The following GABPB2 variants were observed in gnomAD, a reference collection of about 807,000 sequenced individuals.
GABPB2 encodes the protein GA binding protein transcription factor subunit beta 2, also known as GA-binding protein subunit beta-2.
Under a neutral mutation model 39.1 loss-of-function variants are expected in GABPB2, and 23 were observed. That is an observed-to-expected ratio of 0.59 (90% confidence interval 0.42 to 0.83). GABPB2 has a LOEUF of 0.83. Among genes scored for constraint, GABPB2 ranks in the 40% least tolerant of loss-of-function variants. GABPB2 has a pLI of 0.00. For missense variants in GABPB2, 467 were observed against 541.1 expected (o/e 0.86, Z 1.36); for synonymous variants, 184 against 199.3 (o/e 0.92, Z 0.65).
chr1:151,105,710 G>A (rs1214368678), intron 6 of GABPB2, among the ~76,000 whole-genome samples: 1 of 151,936 alleles, frequency 6.6e-6, no homozygotes, highest in Non-Finnish European at 1.5e-5. Flanking sequence ...TGGTCTCACT[G>A]CTCAGTCTGG....
intron 1 of GABPB2, among the ~76,000 whole-genome samples, chr1:151,073,358 G>A (rs1416934625): frequency 6.6e-6 from 1 of 152,144 alleles, no homozygotes; most frequent in Admixed American, 6.6e-5. Flanking sequence ...CTCAGTTTAT[G>A]TATAGGGAAA....
At chr1:151,104,801 CTTTT>C (rs1558151456) in intron 6 of GABPB2, among the ~76,000 whole-genome samples, 8 of 19,268 alleles carry the variant, frequency 4.2e-4, no homozygotes, top group African/African-American at 6.6e-4. Context: ...TTCTTTCTTT[CTTTT>C]CTTTCTTTCC....
intron 1 of GABPB2, among the ~76,000 whole-genome samples, chr1:151,084,371 C>T (rs1009493778): frequency 3.3e-5 from 5 of 151,384 alleles, no homozygotes; most frequent in African/African-American, 4.9e-5. Context: ...TACAGGCATG[C>T]GCCACCATGC....
At chr1:151,112,481 A>T (rs901900185) in intron 7 of GABPB2, among the ~76,000 whole-genome samples, 3 of 151,430 alleles carry the variant, frequency 2.0e-5, no homozygotes, top group African/African-American at 7.3e-5. Flanking sequence ...AGCTAGAATT[A>T]TAGGCGTTTC....
At chr1:151,101,470 A>T (rs768905326) in intron 5 of GABPB2, among the ~76,000 whole-genome samples, 7 of 151,976 alleles carry the variant, frequency 4.6e-5, no homozygotes, top group Non-Finnish European at 8.8e-5. Context: ...GTTACTAGGG[A>T]GGCTGAGTCA....
rs748340169 is a variant in GABPB2, at chr1:151,088,202, G to T, written c.13G>T (p.Asp5Tyr). 6.2e-7 allele frequency: 1 copy of T among 1,613,926 alleles called. No homozygotes were observed. The highest frequency in any genetic ancestry group is 8.5e-7 in the Non-Finnish European group (1 of 1,179,872). MSLV[D>Y]LGKRLLEAAR... Reference sequence around the variant, plus strand: ...CCTATGCATAAAGATGTCTTTGGTGGACTTGGGAAAGAGGTTGCTAGAAGC... The same window carrying T: ...CCTATGCATAAAGATGTCTTTGGTGTACTTGGGAAAGAGGTTGCTAGAAGC... The change falls in exon 2 of 9, where the codon GAC becomes TAC. Residue 5 changes from aspartate (D) to tyrosine (Y), a missense_variant. Transcript: ENST00000368918.
At chr1:151,076,202 A>G (rs1025096250) in intron 1 of GABPB2, among the ~76,000 whole-genome samples, 13 of 152,218 alleles carry the variant, frequency 8.5e-5, no homozygotes, top group Non-Finnish European at 1.9e-4. Flanking sequence ...AAATTAAATA[A>G]GAAGGTTTTC....
intron 4 of GABPB2, among the ~76,000 whole-genome samples, chr1:151,093,757 C>T (rs1201177549): frequency 6.6e-6 from 1 of 151,776 alleles, no homozygotes. Flanking sequence ...TTAAACTTGA[C>T]TTGGGACAAT....
chr1:151,086,732 A>G (rs587632490), intron 1 of GABPB2, among the ~76,000 whole-genome samples: 3 of 151,886 alleles, frequency 2.0e-5, no homozygotes, highest in South Asian at 2.1e-4. Flanking sequence ...CAGTGGTGCA[A>G]TCTCAGCTCA....
Position 151,118,238 on chromosome 1 carries a change from G to C in GABPB2, c.1329G>C (p.Met443Ile), listed in dbSNP as rs1572004612. 6.2e-6 allele frequency: 10 copies of C among 1,612,758 alleles called. No homozygotes were observed. The highest frequency in any genetic ancestry group is 7.6e-6 in the Non-Finnish European group (9 of 1,179,062). Residue 443 changes from methionine to isoleucine, a missense_variant, in exon 9 of 9, where the codon ATG (methionine) becomes ATC (isoleucine). By Grantham distance (10) the Met-to-Ile change is conservative. Transcript: ENST00000368918. ...CAGAGCCTCACACTAGAGTTTCCAT[G>C]GCAACTGTTTCATCTTAATATGCAA... ...GTTEPHTRVS[M>I]ATVSS
At chr1:151,075,731 C>A (rs587672168) in intron 1 of GABPB2, among the ~76,000 whole-genome samples, 71 of 147,772 alleles carry the variant, frequency 4.8e-4, no homozygotes, top group African/African-American at 1.6e-3. Flanking sequence ...CCCAAAAAAA[C>A]CCAAAAAAAC....
intron 1 of GABPB2, among the ~76,000 whole-genome samples, chr1:151,084,456 C>T (rs1394266000): frequency 1.2e-4 from 18 of 149,816 alleles, no homozygotes; most frequent in Admixed American, 7.4e-4. Flanking sequence ...AAACTCCTGA[C>T]GTCAGATGAT....
chr1:151,109,806 A>G (rs938786155), intron 7 of GABPB2, among the ~76,000 whole-genome samples: 1 of 151,624 alleles, frequency 6.6e-6, no homozygotes, highest in Non-Finnish European at 1.5e-5. Flanking sequence ...AGTAGCTGGG[A>G]CTACAGGCAT....
intron 1 of GABPB2, among the ~76,000 whole-genome samples, chr1:151,074,788 GGC>G (rs1391569580): frequency 6.6e-6 from 1 of 151,972 alleles, no homozygotes; most frequent in Non-Finnish European, 1.5e-5. Context: ...TCTTTACTAT[GGC>G]CTGTTTTATC....
chr1:151,101,526 A>G (rs1024400227), intron 5 of GABPB2, among the ~76,000 whole-genome samples: 1 of 152,038 alleles, frequency 6.6e-6, no homozygotes, highest in Non-Finnish European at 1.5e-5. Flanking sequence ...GTGAGCTGAG[A>G]TCGCGCCACT....
intron 5 of GABPB2, among the ~76,000 whole-genome samples, chr1:151,098,710 A>G (rs956056249): frequency 1.3e-5 from 2 of 152,176 alleles, no homozygotes; most frequent in Admixed American, 6.6e-5. Flanking sequence ...TGAATAAAGT[A>G]TAAGAGTCTG....
Position 151,090,565 on chromosome 1 carries a change from C to G in GABPB2, c.268C>G (p.Leu90Val), listed in dbSNP as rs780736795. The change falls in exon 3 of 9, where the codon CTT (leucine) becomes GTT (valine). Residue 90 changes from leucine to valine, a missense_variant. By Grantham distance (32) the Leu-to-Val change is conservative. Coordinates refer to ENST00000368918, the MANE Select transcript of GABPB2 (RefSeq NM_144618.3). ...ADGHAHIVEL[L>V]VRNGADVNAK... ...TGGACATGCGCACATCGTGGAACTG[C>G]TTGTTCGGGTAAAGCAAGAATAGGG... is the stretch of plus-strand genomic sequence containing the variant. The G allele has an allele frequency of 6.2e-7, 1 of 1,613,452 alleles. No homozygotes were observed. Among genetic ancestry groups the G allele is most frequent in the Non-Finnish European group, 8.5e-7 (1 of 1,179,668 alleles).
intron 2 of GABPB2, among the ~76,000 whole-genome samples, chr1:151,089,256 G>C (rs192617821): frequency 6.6e-6 from 1 of 152,204 alleles, no homozygotes; most frequent in Non-Finnish European, 1.5e-5. Context: ...CAAAAAGAAA[G>C]AAAAGGAAAC....
At chr1:151,091,063 G>C (rs116636923) in intron 3 of GABPB2, among the ~76,000 whole-genome samples, 1 of 151,994 alleles carries the variant, frequency 6.6e-6, no homozygotes, top group Non-Finnish European at 1.5e-5. Flanking sequence ...GCTATGAGGA[G>C]TCTGTTTTCT....
Sources: allele counts gnomAD v4.1 joint callset (sites outside exome capture counted in the v4.1 genomes callset), GRCh38; gene constraint gnomAD v4.1.1; transcripts MANE v1.5; gene names NCBI Gene and HGNC (gene_info 2026-07-23, HGNC 2026-07-21).